The following INSRR variants were observed in gnomAD, a reference collection of about 807,000 sequenced individuals.
INSRR encodes the protein insulin receptor related receptor, also known as insulin receptor-related protein.
INSRR carries 114 observed loss-of-function variants against 130.0 expected under a neutral mutation model. The observed-to-expected ratio is 0.88, with a 90% CI of 0.75 to 1.02. INSRR has a LOEUF of 1.02. Among genes scored for constraint, INSRR ranks in the 50% least tolerant of loss-of-function variants. The probability of loss-of-function intolerance (pLI) is 0.00; values close to 1 mark genes in which losing one functional copy is unlikely to be tolerated. For synonymous variants in INSRR, 674 were observed against 705.2 expected (o/e 0.96, Z 0.70); for missense variants, 1,657 against 1,735.2 (o/e 0.95, Z 0.80).
intron 8 of INSRR, 122 bp downstream of exon 8, chr1:156,846,397 G>A: frequency 1.2e-6 from 1 of 842,398 alleles, no homozygotes; most frequent in Non-Finnish European, 1.9e-6. Context: ...TCAAGCATCT[G>A]GCCTTCCAGC....
rs201750694 is a variant in INSRR at position 156,844,535 on chromosome 1, G to A, written c.2664C>T (p.Ala888=). The change falls in exon 14 of 22, where the codon GCC becomes GCT. Residue 888 remains alanine (A), a synonymous_variant. Transcript: ENST00000368195. ...LALLPPGNYS[A]RVRATSLAGN... The stretch of plus-strand genomic sequence containing the variant: ...CAGCCAGTGAGGTTGCCCTAACCCT[G>A]GCAGAGTAGTTTCCAGGGGGCAGCA... The A allele has an allele frequency of 1.7e-5, 28 of 1,614,166 alleles. No individual in the cohort carries two copies. Among genetic ancestry groups the A allele is most frequent in the Non-Finnish European group, 2.4e-5 (28 of 1,180,032 alleles).
At position 156,843,428 on chromosome 1, in the gene INSRR, A is replaced by G. The variant is rs539556275; in HGVS notation, c.2895T>C (p.Asp965=). The change falls in exon 16 of 22, where the codon GAT becomes GAC. Residue 965 remains aspartate (D), a splice_region_variant and synonymous_variant. Coordinates refer to ENST00000368195, the MANE Select transcript of INSRR (RefSeq NM_014215.3). ...SVNPEYFSAS[D]MYVPDEWEVP... ...CTGTCCACCCACTCCCAGACCTACT[A>G]TCAGAGGCGCTGAAGTACTCTGGAT... 1.9e-6 allele frequency: 3 copies of G among 1,614,030 alleles called. No individual in the cohort carries two copies. The highest frequency in any genetic ancestry group is 2.2e-5 in the South Asian group (2 of 91,088).
intron 15 of INSRR, among the ~76,000 whole-genome samples, chr1:156,843,698 G>A (rs561411224): frequency 1.4e-4 from 22 of 152,330 alleles, no homozygotes; most frequent in Non-Finnish European, 2.5e-4. Flanking sequence ...AGGAGTAAAG[G>A]GGCTTCCGCC....
chr1:156,844,956 G>C, intron 12 of INSRR, 113 bp from the exon 13 acceptor site: 8 of 1,551,412 alleles, frequency 5.2e-6, no homozygotes, highest in Non-Finnish European at 7.0e-6. Context: ...GGGATTATGG[G>C]AACTGAGAGG....
At chr1:156,855,793 C>T (rs1264945459) in intron 1 of INSRR, among the ~76,000 whole-genome samples, 1 of 152,008 alleles carries the variant, frequency 6.6e-6, no homozygotes, top group African/African-American at 2.4e-5. Context: ...CCACTGCACT[C>T]CAGCCTGGGC....
Position 156,842,195 on chromosome 1 carries a change from T to C in INSRR, c.3314A>G (p.Tyr1105Cys), listed in dbSNP as rs201633542. 1.9e-6 allele frequency: 3 copies of C among 1,614,044 alleles called. No homozygotes were observed. Among genetic ancestry groups the C allele is most frequent in the Admixed American group, 3.3e-5 (2 of 60,002 alleles). Residue 1105 changes from tyrosine to cysteine, a missense_variant, in exon 19 of 22, where the codon TAC becomes TGC. Transcript: ENST00000368195. ...MAGEIADGMA[Y>C]LAANKFVHRD... ...GTGCACAAACTTGTTGGCAGCAAGG[T>C]AGGCCATGCCGTCTGCAATCTCACC...
intron 14 of INSRR, 44 bp from the exon 15 acceptor site, chr1:156,844,324 A>T (rs760952671): frequency 2.6e-5 from 41 of 1,573,616 alleles, no homozygotes; most frequent in Non-Finnish European, 3.6e-5. Context: ...AAGATGTAGA[A>T]GTCAGAGGGA....
intron 19 of INSRR, 139 bp from the exon 20 acceptor site, chr1:156,841,933 C>G: frequency 1.3e-6 from 2 of 1,554,046 alleles, no homozygotes; most frequent in Non-Finnish European, 1.8e-6. Context: ...CAATGGACCT[C>G]AGAACTCATC....
rs776757652 is a variant in INSRR at position 156,848,905 on chromosome 1, C to G, written c.1571+16G>C. The G allele has an allele frequency of 1.6e-5, 25 of 1,554,704 alleles. No homozygotes were observed. Among genetic ancestry groups the G allele is most frequent in the Non-Finnish European group, 2.2e-5 (25 of 1,149,138 alleles). ...TCCGGTCCCGCCCCCGCTCCGGCCC[C>G]GCCCCCGGCACTCACGACTCCTTGT... On this transcript the variant is annotated intron_variant, in intron 7 of 21. Transcript: ENST00000368195.
rs1288070931 is a variant in INSRR, at chr1:156,849,413, C to T, written c.1277G>A (p.Gly426Glu). Residue 426 changes from glycine (G) to glutamate (E), a missense_variant, in exon 6 of 22, where the codon GGG becomes GAG. By Grantham distance (98) the Gly-to-Glu change is moderately conservative. Coordinates refer to ENST00000368195, the MANE Select transcript of INSRR (RefSeq NM_014215.3). ...GGTGAGCCCCGCGGCCACCCAGGACCCTAGCTGTTGTAGGTTCTGGTTGTC... is the reference window on the plus strand; with the variant it reads ...GGTGAGCCCCGCGGCCACCCAGGACTCTAGCTGTTGTAGGTTCTGGTTGTC... ...VLDNQNLQQL[G>E]SWVAAGLTIP... 1.2e-6 allele frequency: 2 copies of T among 1,613,620 alleles called. No individual in the cohort carries two copies. Among genetic ancestry groups the T allele is most frequent in the African/African-American group, 1.3e-5 (1 of 74,730 alleles).
intron 1 of INSRR, among the ~76,000 whole-genome samples, chr1:156,857,519 T>C (rs568920951): frequency 6.4e-4 from 98 of 152,280 alleles, no homozygotes; most frequent in African/African-American, 2.3e-3. Flanking sequence ...AAGGATGTGC[T>C]CCTGTCCTGA....
At position 156,853,742 on chromosome 1, in the gene INSRR, C is replaced by T. The variant is rs775831182; in HGVS notation, c.637+10G>A. On this transcript the variant is annotated intron_variant, in intron 2 of 21. Coordinates refer to ENST00000368195, the MANE Select transcript of INSRR (RefSeq NM_014215.3). ...CCTTCCCTACATTCATGTTCTGTGC[C>T]AGTGCCCACCTCTCTGGCAGTGGCT... 4.4e-6 allele frequency: 7 copies of T among 1,589,492 alleles called. No homozygotes were observed. Among genetic ancestry groups the T allele is most frequent in the Non-Finnish European group, 6.0e-6 (7 of 1,162,630 alleles).
intron 2 of INSRR, 57 bp downstream of exon 2, chr1:156,853,695 C>T: frequency 6.6e-7 from 1 of 1,518,852 alleles, no homozygotes; most frequent in African/African-American, 1.4e-5. Flanking sequence ...GGCCACCCAG[C>T]CCCATGTGAC....
At chr1:156,845,336 G>A in intron 11 of INSRR, 36 bp downstream of exon 11, 1 of 1,608,660 alleles carries the variant, frequency 6.2e-7, no homozygotes, top group African/African-American at 1.3e-5. Flanking sequence ...AGCCCCCAAA[G>A]CCACGCCCCT....
intron 7 of INSRR, 81 bp downstream of exon 7, chr1:156,848,840 C>A: frequency 6.7e-7 from 1 of 1,488,318 alleles, no homozygotes. Context: ...TCGCTGAGCT[C>A]CGCCCTCACC....
At chr1:156,850,527 A>C (rs1222739084) in intron 5 of INSRR, among the ~76,000 whole-genome samples, 2 of 140,934 alleles carry the variant, frequency 1.4e-5, no homozygotes, top group Admixed American at 7.1e-5. Flanking sequence ...TGGTAATTTA[A>C]AACATTCTTT....
At position 156,841,044 on chromosome 1, in the gene INSRR, G is replaced by T; in HGVS notation, c.3723C>A (p.His1241Gln). Residue 1241 changes from histidine to glutamine, a missense_variant, in exon 22 of 22, where the codon CAC becomes CAA. By Grantham distance (24) the His-to-Gln change is conservative. Transcript: ENST00000368195. ...PNPRLRPSFT[H>Q]ILDSIQEELR... ...GCTCCTCCTGTATGCTGTCCAGAAT[G>T]TGTGTGAAAGATGGGCGCAGGCGTG... 6.3e-7 allele frequency: 1 copy of T among 1,596,370 alleles called. No individual in the cohort carries two copies. Among genetic ancestry groups the T allele is most frequent in the African/African-American group, 1.3e-5 (1 of 74,768 alleles).
intron 5 of INSRR, 53 bp from the exon 6 acceptor site, chr1:156,849,513 G>GGGGGGT: frequency 2.1e-6 from 1 of 486,122 alleles, no homozygotes; most frequent in Non-Finnish European, 4.1e-6. Context: ...CAGGGGGTGG[G>GGGGGGT]AAAGGGGATG....
chr1:156,841,354 G>T, intron 21 of INSRR, 40 bp downstream of exon 21: 1 of 1,597,002 alleles, frequency 6.3e-7, no homozygotes, highest in Non-Finnish European at 8.6e-7. Context: ...AGGGTTGTAG[G>T]TAGATCAACA....
Sources: gnomAD v4.1 joint callset for allele counts (sites outside exome capture counted in the v4.1 genomes callset) on GRCh38, gnomAD v4.1.1 for gene constraint, MANE v1.5 for transcripts, NCBI Gene and HGNC (gene_info 2026-07-23, HGNC 2026-07-21) for gene names.